DLGAP1: variants seen among roughly 807,000 people sequenced by gnomAD.
DLGAP1 encodes DLG associated protein 1.
DLGAP1 carries 11 observed loss-of-function variants against 90.8 expected under a neutral mutation model. The ratio of observed to expected loss-of-function variants is 0.12; its 90% CI spans 0.08 to 0.20. The LOEUF is 0.20. Ranked by LOEUF, DLGAP1 falls within the 10% of genes least tolerant of loss-of-function variation. The probability of loss-of-function intolerance (pLI) is 1.00; values close to 1 mark genes in which losing one functional copy is unlikely to be tolerated. For missense variants in DLGAP1, 1,050 were observed against 1,333.8 expected, an observed-to-expected ratio of 0.79 and a Z score of 3.31; for synonymous variants, 558 against 540.7, an observed-to-expected ratio of 1.03 and a Z score of -0.44.
chr18:4,236,247 G>T (rs1598690802), intron 1 of DLGAP1, among the ~76,000 whole-genome samples: 2 of 152,130 alleles, frequency 1.3e-5, no homozygotes, highest in Admixed American at 1.3e-4. Flanking sequence ...CTCCCACATG[G>T]ATTACATACA....
intron 3 of DLGAP1, among the ~76,000 whole-genome samples, chr18:3,908,046 T>C (rs940780583): frequency 5.9e-5 from 9 of 152,206 alleles, no homozygotes; most frequent in African/African-American, 2.2e-4. Flanking sequence ...TCTGTGACTG[T>C]AAATTTTCAA....
Position 3,772,683 on chromosome 18 carries a change from T to C in DLGAP1, c.1173-30171A>G, listed in dbSNP as rs150026545. Among the ~76,000 whole-genome samples, 327 of 151,902 alleles carry C rather than the reference T, an allele frequency of 2.2e-3. 4 individuals are homozygous for C. Among genetic ancestry groups the C allele is most frequent in the African/African-American group, 7.6e-3 (316 of 41,390 alleles). ...GAGCCCCACCCCAGAACAATTAATT[T>C]AGGCTCTAAGGGTGTTTTTAAAAAC... is the stretch of plus-strand genomic sequence containing the variant. On this transcript the variant is annotated intron_variant, in intron 5 of 12. Transcript: ENST00000315677.
intron 5 of DLGAP1, among the ~76,000 whole-genome samples, chr18:3,807,377 A>T (rs924004694): frequency 6.6e-6 from 1 of 152,172 alleles, no homozygotes; most frequent in Non-Finnish European, 1.5e-5. Flanking sequence ...TCTGGTTTCA[A>T]CACCTGGGCT....
chr18:3,895,280 TACACACACACACACACACAC>T (rs35493688), intron 3 of DLGAP1, among the ~76,000 whole-genome samples: 1 of 137,284 alleles, frequency 7.3e-6, no homozygotes, highest in African/African-American at 2.7e-5. Context: ...GGATGTTTAT[TACACACACACACACACACAC>T]ACACACACAC....
At chr18:3,980,301 C>T (rs1599261308) in intron 3 of DLGAP1, among the ~76,000 whole-genome samples, 1 of 152,080 alleles carries the variant, frequency 6.6e-6, no homozygotes, top group Admixed American at 6.6e-5. Flanking sequence ...TGAGTCTTGG[C>T]TGGGTGGAGG....
At chr18:3,745,013 T>C (rs540114170) in intron 5 of DLGAP1, among the ~76,000 whole-genome samples, 53 of 152,336 alleles carry the variant, frequency 3.5e-4, no homozygotes, top group African/African-American at 1.2e-3. Context: ...GAATGAAGTA[T>C]TGATACATGC....
At chr18:3,551,560 T>C (rs2053423186) in intron 9 of DLGAP1, among the ~76,000 whole-genome samples, 1 of 152,186 alleles carries the variant, frequency 6.6e-6, no homozygotes, top group Non-Finnish European at 1.5e-5. Flanking sequence ...AGTTCCACTA[T>C]TATTTCTATG....
intron 3 of DLGAP1, among the ~76,000 whole-genome samples, chr18:3,923,632 A>G (rs910993568): frequency 1.8e-4 from 28 of 152,178 alleles, no homozygotes; most frequent in African/African-American, 6.8e-4. Flanking sequence ...TTTGAGTTTA[A>G]AAAAACATCA....
chr18:3,791,718 C>T (rs2065744272), intron 5 of DLGAP1, among the ~76,000 whole-genome samples: 1 of 152,042 alleles, frequency 6.6e-6, no homozygotes, highest in Admixed American at 6.5e-5. Context: ...TTCAGTAATA[C>T]TGAATGTAAT....
intron 1 of DLGAP1, among the ~76,000 whole-genome samples, chr18:4,327,220 C>T (rs1177618370): frequency 6.6e-6 from 1 of 151,902 alleles, no homozygotes; most frequent in Non-Finnish European, 1.5e-5. Context: ...TTTAAATGTT[C>T]TCATTACAAA....
chr18:3,787,413 G>A (rs1425978944), intron 5 of DLGAP1, among the ~76,000 whole-genome samples: 5 of 148,742 alleles, frequency 3.4e-5, no homozygotes, highest in African/African-American at 7.5e-5. Flanking sequence ...TCTGGGAGGC[G>A]GAAGTTGCAG....
intron 2 of DLGAP1, among the ~76,000 whole-genome samples, chr18:4,129,015 G>A (rs1488559953): frequency 6.6e-6 from 1 of 152,104 alleles, no homozygotes; most frequent in Non-Finnish European, 1.5e-5. Flanking sequence ...AGGCTATAGA[G>A]TGAACAGAAG....
At chr18:4,211,558 G>A (rs1177641038) in intron 1 of DLGAP1, among the ~76,000 whole-genome samples, 1 of 152,066 alleles carries the variant, frequency 6.6e-6, no homozygotes, top group African/African-American at 2.4e-5. Flanking sequence ...GCCTTTAAAT[G>A]TTTCCTCAGT....
At chr18:4,088,396 G>A (rs1457548138) in intron 2 of DLGAP1, among the ~76,000 whole-genome samples, 1 of 151,642 alleles carries the variant, frequency 6.6e-6, no homozygotes, top group African/African-American at 2.4e-5. Flanking sequence ...ATTAAGAAAG[G>A]AGTCTTTTTA....
chr18:3,764,743 A>C (rs942054325), intron 5 of DLGAP1, among the ~76,000 whole-genome samples: 2 of 152,204 alleles, frequency 1.3e-5, no homozygotes, highest in African/African-American at 2.4e-5. Flanking sequence ...TACATTCCTC[A>C]TGGTTCCTAA....
intron 3 of DLGAP1, among the ~76,000 whole-genome samples, chr18:3,898,068 A>G (rs1026937515): frequency 3.3e-5 from 5 of 152,182 alleles, no homozygotes; most frequent in African/African-American, 9.6e-5. Flanking sequence ...TGCTGGGATT[A>G]CAGGCGTGAG....
chr18:3,517,233 T>C lies in DLGAP1; in HGVS notation c.2480-8572A>G, dbSNP rs962641932. 3.3e-5 allele frequency among the ~76,000 whole-genome samples: 5 copies of C among 152,194 alleles called. No homozygotes were observed. The highest frequency in any genetic ancestry group is 7.4e-5 in the Non-Finnish European group (5 of 68,022). On this transcript the variant is annotated intron_variant, in intron 10 of 12. Transcript: ENST00000315677. The surrounding 1 kb of genome is among the most constrained non-coding windows in gnomAD (Gnocchi z 4.1). ...TCAAGTCACCAGGTGCCTGAGCCCC[T>C]AACAAGAGAGTGAGCCTGTCCTTTG...
chr18:4,200,605 TA>T (rs36044700), intron 1 of DLGAP1, among the ~76,000 whole-genome samples: 12,748 of 151,266 alleles, frequency 0.084, 1,520 homozygotes, highest in African/African-American at 0.27. Flanking sequence ...TTTAAAATAT[TA>T]AAAAAAATAT....
chr18:4,096,215 G>A (rs1241007297), intron 2 of DLGAP1, among the ~76,000 whole-genome samples: 1 of 152,092 alleles, frequency 6.6e-6, no homozygotes, highest in African/African-American at 2.4e-5. Flanking sequence ...TTAAGATATG[G>A]GGTTTCACCA....
Sources: allele counts gnomAD v4.1 joint callset (sites outside exome capture counted in the v4.1 genomes callset), GRCh38; gene constraint gnomAD v4.1.1; non-coding constraint Gnocchi (gnomAD v3.1); transcripts MANE v1.5; gene names NCBI Gene and HGNC (gene_info 2026-07-23, HGNC 2026-07-21).